The following MRTFA variants were observed in gnomAD, a reference collection of about 807,000 sequenced individuals.
MRTFA encodes the protein myocardin related transcription factor A, also known as myocardin-related transcription factor A.
In MRTFA, 20 loss-of-function variants were observed where a neutral mutation model predicts 83.5. The ratio of observed to expected loss-of-function variants is 0.24; its 90% CI spans 0.17 to 0.35. The LOEUF (loss-of-function observed/expected upper bound fraction) is 0.35. Among genes scored for constraint, MRTFA ranks in the 10% least tolerant of loss-of-function variants. The probability of loss-of-function intolerance (pLI) is 1.00; values close to 1 mark genes in which losing one functional copy is unlikely to be tolerated. For missense variants in MRTFA, 1,200 were observed against 1,224.7 expected (o/e 0.98, Z 0.30); for synonymous variants, 659 against 541.2 (o/e 1.22, Z -3.02).
intron 3 of MRTFA, among the ~76,000 whole-genome samples, chr22:40,466,577 G>C (rs1325775050): frequency 1.3e-5 from 2 of 152,216 alleles, no homozygotes; most frequent in Non-Finnish European, 2.9e-5. Flanking sequence ...TCATCTTTTA[G>C]AGTGTTTCTA....
chr22:40,610,932 C>CTTTT (rs746175814), intron 1 of MRTFA, among the ~76,000 whole-genome samples: 9 of 108,332 alleles, frequency 8.3e-5, no homozygotes, highest in African/African-American at 2.8e-4. Context: ...TTTTCTTTTA[C>CTTTT]TTTTTTTTTT....
intron 3 of MRTFA, among the ~76,000 whole-genome samples, chr22:40,538,996 T>G (rs1344875075): frequency 4.2e-5 from 6 of 143,724 alleles, no homozygotes; most frequent in African/African-American, 1.0e-4. Flanking sequence ...TTTTGTTTTT[T>G]TTTTTTTTTT....
At chr22:40,502,546 G>C (rs1318099300) in intron 3 of MRTFA, among the ~76,000 whole-genome samples, 1 of 142,682 alleles carries the variant, frequency 7.0e-6, no homozygotes, top group Non-Finnish European at 1.5e-5. Flanking sequence ...GCGGCCGGGC[G>C]GAGACGCTCC....
chr22:40,576,878 C>T (rs2055875304), intron 2 of MRTFA, among the ~76,000 whole-genome samples: 2 of 152,152 alleles, frequency 1.3e-5, no homozygotes, highest in African/African-American at 4.8e-5. Context: ...CCCAGGACTT[C>T]ATAACCAGCC....
chr22:40,459,813 AC>A (rs2053666703), intron 4 of MRTFA, among the ~76,000 whole-genome samples: 1 of 120,154 alleles, frequency 8.3e-6, no homozygotes, highest in Non-Finnish European at 1.6e-5. Flanking sequence ...ACACACACAC[AC>A]ACACACACAT....
chr22:40,542,393 A>G (rs1314312316), intron 3 of MRTFA, among the ~76,000 whole-genome samples: 5 of 152,340 alleles, frequency 3.3e-5, no homozygotes, highest in East Asian at 1.9e-4. Flanking sequence ...AGCAATTACC[A>G]AAGTTTGTAA....
At position 40,418,923 on chromosome 22, in the gene MRTFA, G is replaced by A. The variant is rs368471696; in HGVS notation, c.1815C>T (p.Ala605=). 9.3e-6 allele frequency: 15 copies of A among 1,612,610 alleles called. No individual in the cohort carries two copies. Among genetic ancestry groups the A allele is most frequent in the Middle Eastern group, 1.6e-4 (1 of 6,082 alleles). The change falls in exon 12 of 15, where the codon GCC becomes GCT. Residue 605 remains alanine, a synonymous_variant. Coordinates refer to ENST00000355630, the MANE Select transcript of MRTFA (RefSeq NM_020831.6). ...CCCCAGGGCTCAGGCAACAGGACCC[G>A]GCCCGGGGGCCCTCCTCCTTCACGA...
chr22:40,517,487 A>C (rs573817229), intron 3 of MRTFA, among the ~76,000 whole-genome samples: 1 of 152,308 alleles, frequency 6.6e-6, no homozygotes, highest in South Asian at 2.1e-4. Context: ...CAGATTCTTA[A>C]CCCAGGCCAG....
intron 4 of MRTFA, among the ~76,000 whole-genome samples, chr22:40,452,684 G>A (rs140382264): frequency 8.6e-5 from 13 of 151,404 alleles, no homozygotes; most frequent in African/African-American, 2.2e-4. Context: ...GGTGGCAGGC[G>A]CCTGTAATCC....
In MRTFA at chr22:40,507,205, C is replaced by T. The variant is rs143645036; in HGVS notation, c.242-43919G>A. 1.9e-3 allele frequency among the ~76,000 whole-genome samples: 282 copies of T among 152,018 alleles called. 1 individual carries two copies. The highest frequency in any genetic ancestry group is 6.8e-3 in the Middle Eastern group (2 of 294). On this transcript the variant is annotated intron_variant, in intron 3 of 14. Coordinates refer to ENST00000355630, the MANE Select transcript of MRTFA (RefSeq NM_020831.6). ...CAAAACCCCATCTCTACAAAAAATA[C>T]AAAAAATTAGCCAGGCGTGGTGGCA... is the stretch of plus-strand genomic sequence containing the variant.
intron 14 of MRTFA, chr22:40,412,863 C>G (rs1278350672): frequency 6.6e-6 from 1 of 152,192 alleles, no homozygotes; most frequent in Non-Finnish European, 1.5e-5. Flanking sequence ...GGGCTGGGTG[C>G]AGTGGCTCAC....
intron 2 of MRTFA, among the ~76,000 whole-genome samples, chr22:40,562,175 C>T (rs1200970211): frequency 6.6e-6 from 1 of 151,246 alleles, no homozygotes; most frequent in Non-Finnish European, 1.5e-5. Flanking sequence ...CGAGATCGTG[C>T]CACTGCACTC....
At chr22:40,494,031 G>A (rs2054311366) in intron 3 of MRTFA, among the ~76,000 whole-genome samples, 1 of 152,176 alleles carries the variant, frequency 6.6e-6, no homozygotes. Context: ...GTGGGAGAGA[G>A]AAACTATTTG....
At chr22:40,577,641 T>C (rs1202943057) in intron 2 of MRTFA, among the ~76,000 whole-genome samples, 2 of 151,206 alleles carry the variant, frequency 1.3e-5, no homozygotes. Flanking sequence ...AGACAGAGTT[T>C]CCCTCTTATT....
chr22:40,622,364 CCAGCTACT>C (rs1207813363), intron 1 of MRTFA, among the ~76,000 whole-genome samples: 2 of 151,684 alleles, frequency 1.3e-5, no homozygotes, highest in Admixed American at 6.6e-5. Context: ...TCCTGTAATC[CCAGCTACT>C]CGGGAGGCTG....
intron 3 of MRTFA, among the ~76,000 whole-genome samples, chr22:40,511,088 T>C (rs575618223): frequency 6.6e-6 from 1 of 152,242 alleles, no homozygotes; most frequent in South Asian, 2.1e-4. Context: ...AGCGAAAGTA[T>C]CTTGGCAGCT....
intron 1 of MRTFA, among the ~76,000 whole-genome samples, chr22:40,617,396 A>T (rs964892262): frequency 6.6e-6 from 1 of 152,168 alleles, no homozygotes; most frequent in East Asian, 1.9e-4. Flanking sequence ...ATTGAAAAGG[A>T]GCTAGCAAAA....
At chr22:40,477,235 A>G (rs2054013706) in intron 3 of MRTFA, among the ~76,000 whole-genome samples, 1 of 150,718 alleles carries the variant, frequency 6.6e-6, no homozygotes, top group Non-Finnish European at 1.5e-5. Context: ...TTGTAATCCC[A>G]GCTACTCGGG....
chr22:40,417,341 C>T lies in MRTFA; in HGVS notation c.2517G>A (p.Gln839=). The stretch of plus-strand genomic sequence containing the variant: ...GCCAGGCCTAGCCCGCCTTCCTCAC[C>T]TGCTGTTTGGGCTGCTGGCTCATGG... Residue 839 remains glutamine, a splice_region_variant and synonymous_variant, in exon 13 of 15, where the codon CAG becomes CAA. Coordinates refer to ENST00000355630, the MANE Select transcript of MRTFA (RefSeq NM_020831.6). The T allele has an allele frequency of 6.2e-7, 1 of 1,610,828 alleles. No individual in the cohort carries two copies. Among genetic ancestry groups the T allele is most frequent in the Non-Finnish European group, 8.5e-7 (1 of 1,179,506 alleles).
Sources: allele counts gnomAD v4.1 joint callset (sites outside exome capture counted in the v4.1 genomes callset), GRCh38; gene constraint gnomAD v4.1.1; transcripts MANE v1.5; gene names NCBI Gene and HGNC (gene_info 2026-07-23, HGNC 2026-07-21).